The following IFFO2 variants were observed in gnomAD, a reference collection of about 807,000 sequenced individuals.
IFFO2 encodes intermediate filament family orphan 2.
A neutral mutation model predicts 53.5 loss-of-function variants in IFFO2; 19 were observed. The ratio of observed to expected loss-of-function variants is 0.36; its 90% CI spans 0.25 to 0.52. The LOEUF (loss-of-function observed/expected upper bound fraction) is 0.52, where lower values mean the gene tolerates loss of function less well. Among genes scored for constraint, IFFO2 ranks in the 20% least tolerant of loss-of-function variants. IFFO2 has a pLI of 0.94. For synonymous variants in IFFO2, 303 were observed against 313.6 expected, an observed-to-expected ratio of 0.97 and a Z score of 0.36; for missense variants, 570 against 727.4, an observed-to-expected ratio of 0.78 and a Z score of 2.49.
rs60534604 is a variant in IFFO2, at chr1:18,910,187, C to CTGGATGGATGGA, written c.1448+143_1448+154dup. On this transcript the variant is annotated intron_variant, in intron 8 of 8. Transcript: ENST00000455833. ...TGGCACATAGGTGTGCTAATAGTCA[C>CTGGATGGATGGA]TGGATGGATGGATGGATGGATGGAT... is the stretch of plus-strand genomic sequence containing the variant. Among the ~76,000 whole-genome samples, 11 of 151,784 alleles carry CTGGATGGATGGA rather than the reference C, an allele frequency of 7.2e-5. No homozygotes were observed. The East Asian group carries it at 7.8e-4, about 11-fold the overall frequency.
At chr1:18,952,753 C>A (rs984020174) in intron 1 of IFFO2, among the ~76,000 whole-genome samples, 1 of 152,210 alleles carries the variant, frequency 6.6e-6, no homozygotes, top group African/African-American at 2.4e-5. Context: ...GGGGCTGATG[C>A]AATGCCCTAA....
At chr1:18,938,787 C>G (rs1436755978) in intron 1 of IFFO2, among the ~76,000 whole-genome samples, 1 of 152,184 alleles carries the variant, frequency 6.6e-6, no homozygotes, top group East Asian at 1.9e-4. Flanking sequence ...GCCTGGCCCC[C>G]CCAGGGACAG....
intron 1 of IFFO2, among the ~76,000 whole-genome samples, chr1:18,921,852 ACG>A (rs1029234549): frequency 6.6e-6 from 1 of 152,028 alleles, no homozygotes; most frequent in Non-Finnish European, 1.5e-5. Context: ...TGAATAGGAA[ACG>A]CGGGCGGGAG....
At chr1:18,955,559 A>G in intron 1 of IFFO2, 109 bp downstream of exon 1, 1 of 1,401,418 alleles carries the variant, frequency 7.1e-7, no homozygotes, top group Non-Finnish European at 9.3e-7. Context: ...CTTCCAGCCC[A>G]CCTGCCAGTA....
chr1:18,944,512 G>A (rs1213673212), intron 1 of IFFO2, among the ~76,000 whole-genome samples: 1 of 152,094 alleles, frequency 6.6e-6, no homozygotes, highest in Non-Finnish European at 1.5e-5. Flanking sequence ...GGCCAGCATT[G>A]AGCTCCAAAC....
At chr1:18,952,978 C>T (rs1289190206) in intron 1 of IFFO2, among the ~76,000 whole-genome samples, 4 of 152,346 alleles carry the variant, frequency 2.6e-5, no homozygotes, top group Admixed American at 2.0e-4. Context: ...CGCTGAGCCT[C>T]GCAGCCTAAG....
chr1:18,946,950 G>A lies in IFFO2; in HGVS notation c.665+8718C>T, dbSNP rs201539460. Among the ~76,000 whole-genome samples the A allele has an allele frequency of 2.6e-5, 4 of 152,140 alleles. No individual in the cohort carries two copies. The East Asian group carries it at 5.8e-4, about 22-fold the overall frequency. On this transcript the variant is annotated intron_variant, in intron 1 of 8. Transcript: ENST00000455833. ...CATGTTTATTGTGTTCCTACTATCC[G>A]CAAGCACTGTTGGAGAAGGTACTGG...
intron 1 of IFFO2, among the ~76,000 whole-genome samples, chr1:18,930,494 C>A (rs1261859227): frequency 6.6e-6 from 1 of 152,192 alleles, no homozygotes; most frequent in Non-Finnish European, 1.5e-5. Flanking sequence ...GATGCTAATG[C>A]CACAGAACCC....
intron 1 of IFFO2, among the ~76,000 whole-genome samples, chr1:18,924,618 C>A (rs1344643315): frequency 6.6e-6 from 1 of 152,242 alleles, no homozygotes; most frequent in African/African-American, 2.4e-5. Flanking sequence ...TAGGAAGTGG[C>A]AGCGCCTGGA....
chr1:18,937,705 C>T (rs986811574), intron 1 of IFFO2, among the ~76,000 whole-genome samples: 1 of 152,234 alleles, frequency 6.6e-6, no homozygotes, highest in African/African-American at 2.4e-5. Context: ...GGTGCAGTGA[C>T]TCATCCAGGG....
Position 18,928,655 on chromosome 1 carries a change from A to G in IFFO2, c.666-7534T>C, listed in dbSNP as rs750747269. Among the ~76,000 whole-genome samples the G allele has an allele frequency of 3.3e-5, 5 of 152,228 alleles. No homozygotes were observed. The highest frequency in any genetic ancestry group is 6.5e-5 in the Admixed American group (1 of 15,288). On this transcript the variant is annotated intron_variant, in intron 1 of 8. Coordinates refer to ENST00000455833, the MANE Select transcript of IFFO2 (RefSeq NM_001136265.2). This position sits in a 1 kb window ranked among gnomAD's most constrained non-coding sequence, Gnocchi z 4.9. ...CAGAGGGGTCTGACATCCATAGGGA[A>G]GTTCCCTGTGGAAGAGCGGGTACTG...
In IFFO2 at chr1:18,928,133, T is replaced by C. The variant is rs1002578243; in HGVS notation, c.666-7012A>G. Among the ~76,000 whole-genome samples the C allele has an allele frequency of 6.6e-6, 1 of 152,022 alleles. No homozygotes were observed. Among genetic ancestry groups the C allele is most frequent in the Admixed American group, 6.5e-5 (1 of 15,272 alleles). ...GCAAGCCCGTCTTCTCCCCCGAAAA[T>C]GGACAGCCAATAAGCTCTAGCCCCT... is the stretch of plus-strand genomic sequence containing the variant. On this transcript the variant is annotated intron_variant, in intron 1 of 8. Coordinates refer to ENST00000455833, the MANE Select transcript of IFFO2 (RefSeq NM_001136265.2). The surrounding 1 kb of genome is among the most constrained non-coding windows in gnomAD (Gnocchi z 4.9).
chr1:18,944,385 C>T (rs1047742091), intron 1 of IFFO2, among the ~76,000 whole-genome samples: 7 of 151,924 alleles, frequency 4.6e-5, no homozygotes, highest in Non-Finnish European at 8.8e-5. Context: ...GATCGGGGGC[C>T]GGGGCGGGGA....
intron 1 of IFFO2, among the ~76,000 whole-genome samples, chr1:18,940,415 T>C (rs1196162005): frequency 1.3e-5 from 2 of 152,204 alleles, no homozygotes; most frequent in East Asian, 3.8e-4. Flanking sequence ...CTAAGGACTC[T>C]TCCAGCCCTG....
chr1:18,913,431 G>A (rs1457267061), intron 5 of IFFO2, among the ~76,000 whole-genome samples: 2 of 152,244 alleles, frequency 1.3e-5, no homozygotes, highest in East Asian at 1.9e-4. Flanking sequence ...CCCAGCCGAG[G>A]GACAGGAAGC....
Position 18,907,062 on chromosome 1 carries a change from C to G in IFFO2, c.*1499G>C, listed in dbSNP as rs1192632110. On this transcript the variant is annotated 3_prime_UTR_variant, in exon 9 of 9. Transcript: ENST00000455833. ...AGAGCCCCCTCCTTCTGCCTCCAGG[C>G]AAGGCAGAGGGACCCAAGTTCTAGT... 1 of 152,234 alleles carries G rather than the reference C, an allele frequency of 6.6e-6. No homozygotes were observed. The highest frequency in any genetic ancestry group is 2.4e-5 in the African/African-American group (1 of 41,458). The allele number at this position is 152,234 out of a possible 1,614,324, so 9.4% of individuals were successfully genotyped here.
chr1:18,954,992 G>A (rs1557652511), intron 1 of IFFO2, among the ~76,000 whole-genome samples: 1 of 152,242 alleles, frequency 6.6e-6, no homozygotes. Flanking sequence ...GCAGTCTGTT[G>A]TAGTTGTGGT....
chr1:18,908,628 G>T lies in IFFO2; in HGVS notation c.1487C>A (p.Ser496Ter). ...ATCCTGGATCTCATCTGTACTTCCT[G>T]AGTCGCTGCTGGCCACGGAGCTGGG... ...PSPSSVASSDSGSTDEIQDEF... is the reference protein window; with the variant it reads ...PSPSSVASSD The change falls in exon 9 of 9, where the codon TCA becomes TAA. Residue 496 changes from serine (S) to a stop codon, truncating the protein, a stop_gained. Coordinates refer to ENST00000455833, the MANE Select transcript of IFFO2 (RefSeq NM_001136265.2). LOFTEE classifies it high-confidence loss of function. 1 of 1,551,712 alleles carries T rather than the reference G, an allele frequency of 6.4e-7. No individual in the cohort carries two copies. The highest frequency in any genetic ancestry group is 8.7e-7 in the Non-Finnish European group (1 of 1,146,954).
intron 1 of IFFO2, among the ~76,000 whole-genome samples, chr1:18,942,290 C>T (rs1936531233): frequency 6.6e-6 from 1 of 152,158 alleles, no homozygotes; most frequent in Non-Finnish European, 1.5e-5. Flanking sequence ...ATCCTTCATT[C>T]CCCCACAAAG....
Sources: gnomAD v4.1 joint callset for allele counts (sites outside exome capture counted in the v4.1 genomes callset) on GRCh38, gnomAD v4.1.1 for gene constraint, Gnocchi (gnomAD v3.1) non-coding constraint, MANE v1.5 for transcripts, NCBI Gene and HGNC (gene_info 2026-07-23, HGNC 2026-07-21) for gene names.